Variants in NTRK1 observed in about 807,000 individuals in gnomAD.
NTRK1 encodes neurotrophic receptor tyrosine kinase 1.
A neutral mutation model predicts 86.8 loss-of-function variants in NTRK1; 62 were observed. That is an observed-to-expected ratio of 0.71 (90% CI 0.58 to 0.88). The LOEUF (loss-of-function observed/expected upper bound fraction) is 0.88, where lower values mean the gene tolerates loss of function less well. NTRK1 is among the 40% of genes least tolerant of loss of function. NTRK1 has a pLI of 0.00. For synonymous variants in NTRK1, 469 were observed against 456.6 expected, an observed-to-expected ratio of 1.03 and a Z score of -0.35; for missense variants, 967 against 1,078.4, an observed-to-expected ratio of 0.90 and a Z score of 1.45.
At chr1:156,836,213 A>G (rs1277601535) in intron 1 of NTRK1, among the ~76,000 whole-genome samples, 1 of 152,150 alleles carries the variant, frequency 6.6e-6, no homozygotes, top group Non-Finnish European at 1.5e-5. Flanking sequence ...ATGACTGAGC[A>G]GAAAGTCCCC....
intron 1 of NTRK1, among the ~76,000 whole-genome samples, chr1:156,823,957 G>A (rs1272492953): frequency 6.6e-6 from 1 of 152,198 alleles, no homozygotes; most frequent in Non-Finnish European, 1.5e-5. Flanking sequence ...CACCCTGTGT[G>A]CACACTTCCA....
chr1:156,841,397 T>G (rs1408009025), intron 1 of NTRK1: 1 of 1,613,644 alleles, frequency 6.2e-7, no homozygotes, highest in East Asian at 2.2e-5. Flanking sequence ...GACTCACAGC[T>G]GAAGGGGACA....
chr1:156,852,090 C>CA, intron 2 of NTRK1: 1 of 1,613,736 alleles, frequency 6.2e-7, no homozygotes, highest in Non-Finnish European at 8.5e-7. Flanking sequence ...CGGCAAGCTA[C>CA]ACAGGCACGA....
rs765598789 is a variant in NTRK1 at position 156,845,041 on chromosome 1, G to C, written c.50+2848G>C. On this transcript the variant is annotated intron_variant, in intron 2 of 16. Coordinates refer to the NTRK1 transcript ENST00000392302. Reference sequence around the variant, plus strand: ...TTTGCACAGGGTCCTTGGGGTCGGTGATGGGGGTAGAAGGTGTGTGTGTGG... The same window carrying C: ...TTTGCACAGGGTCCTTGGGGTCGGTCATGGGGGTAGAAGGTGTGTGTGTGG... The C allele has an allele frequency of 7.6e-6, 12 of 1,577,386 alleles. No homozygotes were observed. The African/African-American group carries it at 1.2e-4, about 16-fold the overall frequency.
intron 14 of NTRK1, among the ~76,000 whole-genome samples, chr1:156,877,346 T>G (rs1647980511): frequency 6.6e-6 from 1 of 152,260 alleles, no homozygotes; most frequent in African/African-American, 2.4e-5. Context: ...ACAGAACAAC[T>G]CTGATACATT....
intron 2 of NTRK1, chr1:156,849,510 T>TG: frequency 5.9e-5 from 17 of 287,872 alleles, no homozygotes; most frequent in Middle Eastern, 8.2e-4. Flanking sequence ...GGGCAGGGGG[T>TG]GGGAAAGGGG....
chr1:156,868,974 A>G (rs1647353116), intron 6 of NTRK1, among the ~76,000 whole-genome samples: 1 of 151,834 alleles, frequency 6.6e-6, no homozygotes, highest in Admixed American at 6.6e-5. Flanking sequence ...TGGAGCTGAG[A>G]GGAACCCAAC....
At chr1:156,880,781 G>A (rs775316560) in intron 16 of NTRK1, among the ~76,000 whole-genome samples, 4 of 152,146 alleles carry the variant, frequency 2.6e-5, no homozygotes, top group South Asian at 2.1e-4. Context: ...AATTAGTGCC[G>A]CCCATAACCC....
chr1:156,828,543 C>T (rs997350772), intron 1 of NTRK1, among the ~76,000 whole-genome samples: 4 of 152,280 alleles, frequency 2.6e-5, no homozygotes, highest in Non-Finnish European at 4.4e-5. Flanking sequence ...TGCTTCTCCT[C>T]ACGCGCAGTC....
At chr1:156,867,973 A>T in intron 4 of NTRK1, 131 bp from the exon 5 acceptor site, 1 of 1,014,328 alleles carries the variant, frequency 9.9e-7, no homozygotes, top group Non-Finnish European at 1.5e-6. Context: ...TACTGGAGTC[A>T]GAGAGAAAGA....
At chr1:156,832,757 A>T (rs965405302) in intron 1 of NTRK1, among the ~76,000 whole-genome samples, 1 of 152,172 alleles carries the variant, frequency 6.6e-6, no homozygotes, top group Non-Finnish European at 1.5e-5. Context: ...AAGCATCGAG[A>T]TCCGAGTTTC....
At chr1:156,848,346 C>T (rs747682106) in intron 2 of NTRK1, among the ~76,000 whole-genome samples, 1 of 152,218 alleles carries the variant, frequency 6.6e-6, no homozygotes, top group Non-Finnish European at 1.5e-5. Context: ...GCCTTCCCAG[C>T]CTGCATCTGA....
intron 1 of NTRK1, among the ~76,000 whole-genome samples, chr1:156,862,383 A>G (rs1159206190): frequency 1.3e-5 from 2 of 152,154 alleles, no homozygotes; most frequent in African/African-American, 4.8e-5. Context: ...CAGTTCTCTC[A>G]TCACCCTGGG....
At chr1:156,872,898 C>T (rs1475608051) in intron 7 of NTRK1, among the ~76,000 whole-genome samples, 1 of 151,918 alleles carries the variant, frequency 6.6e-6, no homozygotes, top group Non-Finnish European at 1.5e-5. Context: ...AGGATGGTCT[C>T]GATCTCCTGA....
intron 2 of NTRK1, chr1:156,842,506 C>T (rs373063513): frequency 3.7e-6 from 6 of 1,613,402 alleles, no homozygotes; most frequent in Non-Finnish European, 5.1e-6. Flanking sequence ...CCAGGAGACG[C>T]ACCTGGGACA....
intron 2 of NTRK1, chr1:156,842,885 TA>T: frequency 1.3e-6 from 1 of 796,148 alleles, no homozygotes; most frequent in East Asian, 2.6e-5. Flanking sequence ...ATTAGGATCC[TA>T]ACCATGGTCC....
chr1:156,859,988 G>C (rs924945810), upstream of NTRK1, among the ~76,000 whole-genome samples: 1 of 152,234 alleles, frequency 6.6e-6, no homozygotes, highest in African/African-American at 2.4e-5. The surrounding 1 kb of genome is among the most constrained non-coding windows in gnomAD (Gnocchi z 6.2). Flanking sequence ...AAGGTGCGCG[G>C]TCCTCAGCTC....
intron 3 of NTRK1, among the ~76,000 whole-genome samples, chr1:156,866,314 C>T (rs1383009139): frequency 6.6e-6 from 1 of 152,234 alleles, no homozygotes; most frequent in Non-Finnish European, 1.5e-5. Context: ...TCCTGTGTGG[C>T]CTGGAGCCGG....
intron 2 of NTRK1, chr1:156,844,409 G>A: frequency 6.3e-7 from 1 of 1,589,814 alleles, no homozygotes; most frequent in Non-Finnish European, 8.6e-7. Context: ...GGTGGGCTGG[G>A]GACCAGGTAG....
Sources: allele counts gnomAD v4.1 joint callset (sites outside exome capture counted in the v4.1 genomes callset), GRCh38; gene constraint gnomAD v4.1.1; non-coding constraint Gnocchi (gnomAD v3.1); transcripts MANE v1.5; gene names NCBI Gene and HGNC (gene_info 2026-07-23, HGNC 2026-07-21).